Variants in KRT86 observed in about 807,000 individuals in gnomAD.
The protein encoded by KRT86 is keratin 86.
A neutral mutation model predicts 41.2 loss-of-function variants in KRT86; 30 were observed. The observed-to-expected ratio is 0.73, with a 90% confidence interval of 0.54 to 0.99. The LOEUF is 0.99. Ranked by LOEUF, KRT86 falls within the 50% of genes least tolerant of loss-of-function variation. The pLI is 0.00. For synonymous variants in KRT86, 238 were observed against 238.1 expected, an observed-to-expected ratio of 1.00 and a Z score of 0.00; for missense variants, 561 against 571.4, an observed-to-expected ratio of 0.98 and a Z score of 0.19.
intron 2 of KRT86, chr12:52,287,551 G>T: frequency 6.2e-7 from 1 of 1,613,898 alleles, no homozygotes; most frequent in Non-Finnish European, 8.5e-7. Flanking sequence ...TGTGACAATG[G>T]TTAGGCCCTC....
rs1187253831 is a variant in KRT86, at chr12:52,302,279, C to G, written c.363C>G (p.Ile121Met). The part of the protein sequence containing the change: ...KSLNSRFAAF[I>M]DKVRFLEQQN... ...TCAACAGCAGGTTCGCGGCCTTCAT[C>G]GACAAGGTGGGTGTCCTGGATCACA... Residue 121 changes from isoleucine (I) to methionine (M), a missense_variant, in exon 3 of 11, where the codon ATC (isoleucine) becomes ATG (methionine). Ile to Met is a conservative substitution (Grantham distance 10). Transcript: ENST00000423955. 11 of 721,100 alleles carry G rather than the reference C, an allele frequency of 1.5e-5. No individual in the cohort carries two copies. The highest frequency in any genetic ancestry group is 3.4e-5 in the Admixed American group (1 of 29,102). 44.7% of individuals were successfully genotyped at this position (721,100 alleles called of 1,614,324 possible).
intron 2 of KRT86, chr12:52,287,737 A>T (rs763542678): frequency 6.2e-7 from 1 of 1,614,002 alleles, no homozygotes; most frequent in South Asian, 1.1e-5. Flanking sequence ...GGAAGTAGAG[A>T]TGCTCATGAG....
intron 2 of KRT86, among the ~76,000 whole-genome samples, chr12:52,284,706 A>T (rs990688796): frequency 6.6e-6 from 1 of 152,204 alleles, no homozygotes; most frequent in Non-Finnish European, 1.5e-5. Flanking sequence ...TCTAGTGCCC[A>T]GAAGGGTAGG....
intron 2 of KRT86, among the ~76,000 whole-genome samples, chr12:52,283,444 G>A (rs1937827726): frequency 7.5e-6 from 1 of 133,552 alleles, no homozygotes; most frequent in Non-Finnish European, 1.6e-5. Flanking sequence ...ATTGGTAAGG[G>A]ATGTTAGTAG....
intron 2 of KRT86, among the ~76,000 whole-genome samples, chr12:52,298,398 C>G (rs1463551050): frequency 6.6e-6 from 1 of 152,202 alleles, no homozygotes; most frequent in Non-Finnish European, 1.5e-5. Flanking sequence ...TCATTTAATC[C>G]TTCTACAAGT....
chr12:52,295,498 A>T lies in KRT86; in HGVS notation c.-4-6415A>T, dbSNP rs573527815. Among the ~76,000 whole-genome samples the T allele has an allele frequency of 6.0e-4, 92 of 152,302 alleles. 2 individuals carry two copies. The highest frequency in any genetic ancestry group is 2.1e-3 in the African/African-American group (88 of 41,572). ...GTATCACACAGTAGCTGGTGTTTGT[A>T]CATAACATAAAAACACAAACACTCA... On this transcript the variant is annotated intron_variant, in intron 2 of 10. Transcript: ENST00000423955.
At chr12:52,285,558 G>A (rs1005808266) in intron 2 of KRT86, among the ~76,000 whole-genome samples, 2 of 152,194 alleles carry the variant, frequency 1.3e-5, no homozygotes, top group African/African-American at 4.8e-5. Context: ...AGATATGCAT[G>A]AGATGTTTTC....
chr12:52,287,710 C>A (rs771040700), intron 2 of KRT86: 1 of 1,614,096 alleles, frequency 6.2e-7, no homozygotes, highest in Non-Finnish European at 8.5e-7. Flanking sequence ...CCGTGGCCTT[C>A]ATCTCCTCAC....
intron 2 of KRT86, chr12:52,291,387 TGCAGCAGCGGCCGGGCCGCG>T (rs1938116229): frequency 6.2e-7 from 1 of 1,607,658 alleles, no homozygotes; most frequent in African/African-American, 1.3e-5. Flanking sequence ...GCGGCGGTGA[TGCAGCAGCGGCCGGGCCGCG>T]GCCCGCAGGC....
intron 2 of KRT86, chr12:52,291,526 A>T (rs1938125412): frequency 1.3e-6 from 2 of 1,599,522 alleles, no homozygotes; most frequent in South Asian, 2.2e-5. Context: ...CCTGATGGAA[A>T]CTCCAATGTG....
intron 2 of KRT86, among the ~76,000 whole-genome samples, chr12:52,298,673 C>T (rs1938304418): frequency 6.6e-6 from 1 of 152,150 alleles, no homozygotes; most frequent in Non-Finnish European, 1.5e-5. Flanking sequence ...TACATAGAGG[C>T]TAAGTAATTG....
chr12:52,282,455 C>G (rs892021352), intron 2 of KRT86, among the ~76,000 whole-genome samples: 2 of 152,068 alleles, frequency 1.3e-5, no homozygotes, highest in Non-Finnish European at 2.9e-5. Context: ...CCAGGATGGT[C>G]TCGATCTTCT....
chr12:52,292,684 T>A (rs918400775), intron 2 of KRT86, among the ~76,000 whole-genome samples: 7 of 152,274 alleles, frequency 4.6e-5, no homozygotes, highest in African/African-American at 1.7e-4. Flanking sequence ...TTATTTTATT[T>A]ATTGTTTATT....
At chr12:52,291,319 G>T in intron 2 of KRT86, 1 of 1,551,510 alleles carries the variant, frequency 6.4e-7, no homozygotes, top group South Asian at 1.2e-5. Context: ...CTCCGCACAC[G>T]CTGTGGCTGC....
At chr12:52,291,400 G>A (rs756076197) in intron 2 of KRT86, 7 of 1,609,990 alleles carry the variant, frequency 4.3e-6, no homozygotes, top group African/African-American at 2.7e-5. Flanking sequence ...AGCAGCGGCC[G>A]GGCCGCGGCC....
At chr12:52,302,381 C>T in intron 3 of KRT86, 96 bp downstream of exon 3, 2 of 433,060 alleles carry the variant, frequency 4.6e-6, no homozygotes, top group Non-Finnish European at 7.8e-6. Flanking sequence ...AGACCTCTGC[C>T]TGCCTGAGAT....
chr12:52,287,030 AGCCAAG>A, intron 2 of KRT86: 1 of 1,611,400 alleles, frequency 6.2e-7, no homozygotes, highest in East Asian at 2.2e-5. Flanking sequence ...GCCATTGCTC[AGCCAAG>A]GCCAAGGGTA....
At chr12:52,305,453 T>G (rs376493233) in intron 7 of KRT86, 49 bp downstream of exon 7, 12 of 1,613,500 alleles carry the variant, frequency 7.4e-6, no homozygotes, top group Non-Finnish European at 1.0e-5. Context: ...TGGGAGGGAT[T>G]TGAGATTATC....
At chr12:52,298,829 T>C (rs1462012948) in intron 2 of KRT86, among the ~76,000 whole-genome samples, 1 of 152,206 alleles carries the variant, frequency 6.6e-6, no homozygotes, top group Admixed American at 6.5e-5. Context: ...TTTTTATGGG[T>C]ACATAATAGT....
Sources: gnomAD v4.1 joint callset for allele counts (sites outside exome capture counted in the v4.1 genomes callset) on GRCh38, gnomAD v4.1.1 for gene constraint, MANE v1.5 for transcripts, NCBI Gene and HGNC (gene_info 2026-07-23, HGNC 2026-07-21) for gene names.